Variants in LATS2 observed in about 807,000 individuals in gnomAD.
The protein encoded by LATS2 is serine/threonine-protein kinase LATS2.
A neutral mutation model predicts 76.0 loss-of-function variants in LATS2; 24 were observed. The ratio of observed to expected loss-of-function variants is 0.32; its 90% CI spans 0.23 to 0.44. The LOEUF is 0.44. LATS2 is among the 20% of genes least tolerant of loss of function. The probability of loss-of-function intolerance (pLI) is 1.00; values close to 1 mark genes in which losing one functional copy is unlikely to be tolerated. For synonymous variants in LATS2, 692 were observed against 635.4 expected (o/e 1.09, Z -1.34); for missense variants, 1,286 against 1,481.2 (o/e 0.87, Z 2.16).
At chr13:21,014,730 G>C (rs1251735464) in intron 2 of LATS2, among the ~76,000 whole-genome samples, 1 of 152,198 alleles carries the variant, frequency 6.6e-6, no homozygotes, top group Admixed American at 6.5e-5. Context: ...AAACATCACA[G>C]GGTCAAGGAA....
chr13:21,034,448 A>AAGAGCC (rs1241599686), intron 2 of LATS2, among the ~76,000 whole-genome samples: 8 of 152,098 alleles, frequency 5.3e-5, no homozygotes, highest in East Asian at 1.9e-4. Context: ...TCCTTGACAA[A>AAGAGCC]AGAGCCAGAG....
intron 1 of LATS2, among the ~76,000 whole-genome samples, chr13:21,052,695 A>T (rs1415362745): frequency 6.6e-6 from 1 of 152,192 alleles, no homozygotes; most frequent in African/African-American, 2.4e-5. Flanking sequence ...GATGCTTAGA[A>T]AGTTAAAGTA....
chr13:21,056,046 T>G (rs765937065), intron 1 of LATS2, among the ~76,000 whole-genome samples: 1 of 152,214 alleles, frequency 6.6e-6, no homozygotes, highest in African/African-American at 2.4e-5. Context: ...AATAGCAGCA[T>G]CATCACAAGG....
chr13:20,998,218 G>T (rs1357837154), intron 2 of LATS2, among the ~76,000 whole-genome samples: 1 of 152,138 alleles, frequency 6.6e-6, no homozygotes, highest in African/African-American at 2.4e-5. Flanking sequence ...GCTGGGCATG[G>T]TGGTGGGTGC....
At chr13:21,054,033 ATACTT>A (rs1218777640) in intron 1 of LATS2, among the ~76,000 whole-genome samples, 3 of 152,220 alleles carry the variant, frequency 2.0e-5, no homozygotes, top group African/African-American at 7.2e-5. Flanking sequence ...ACTGAACTGT[ATACTT>A]AAGAATGGTT....
In LATS2 at chr13:20,989,191, C is replaced by T. The variant is rs941626381; in HGVS notation, c.589G>A (p.Gly197Ser). 6 of 1,613,478 alleles carry T rather than the reference C, an allele frequency of 3.7e-6. No homozygotes were observed. Among genetic ancestry groups the T allele is most frequent in the East Asian group, 2.2e-5 (1 of 44,892 alleles). Residue 197 changes from glycine (G) to serine (S), a missense_variant, in exon 4 of 8, where the codon GGC becomes AGC. By Grantham distance (56) the Gly-to-Ser change is moderately conservative (BLOSUM62 0). This residue lies in a region of LATS2 where 710 missense variants were observed against 660.9 expected (regional missense o/e 1.07). Coordinates refer to ENST00000382592, the MANE Select transcript of LATS2 (RefSeq NM_014572.3). ...TCCAGCGCCGTGGGGCCGTCAGCGCCGAAGCTTGGGCCCTCGTAGGGGGTA... is the reference window on the plus strand; with the variant it reads ...TCCAGCGCCGTGGGGCCGTCAGCGCTGAAGCTTGGGCCCTCGTAGGGGGTA... ...SGTPYEGPSF[G>S]ADGPTALEEM...
At chr13:21,030,817 C>G (rs1595246643) in intron 2 of LATS2, among the ~76,000 whole-genome samples, 1 of 152,078 alleles carries the variant, frequency 6.6e-6, no homozygotes, top group East Asian at 1.9e-4. Context: ...TCTACTGTTT[C>G]TAGTGCTCTT....
At chr13:20,987,754 T>A (rs1047543724) in intron 4 of LATS2, 127 bp downstream of exon 4, 16 of 1,081,580 alleles carry the variant, frequency 1.5e-5, no homozygotes, top group Middle Eastern at 2.9e-4. Context: ...AGAACCAGAC[T>A]GTCGCCCATT....
At chr13:21,056,984 G>A (rs140681263) in intron 1 of LATS2, among the ~76,000 whole-genome samples, 4 of 152,304 alleles carry the variant, frequency 2.6e-5, no homozygotes, top group South Asian at 2.1e-4. Context: ...TGCAGGTGTC[G>A]TCCGGGTACA....
In LATS2 at chr13:20,973,867, T is replaced by C. The variant is rs1869452954; in HGVS notation, c.*1003A>G. 4.4e-6 allele frequency: 1 copy of C among 228,770 alleles called. No individual in the cohort carries two copies. Among genetic ancestry groups the C allele is most frequent in the Non-Finnish European group, 8.7e-6 (1 of 115,602 alleles). The allele number at this position is 228,770 out of a possible 1,614,324, so 14.2% of individuals were successfully genotyped here. On this transcript the variant is annotated 3_prime_UTR_variant, in exon 8 of 8. Transcript: ENST00000382592. ...CAGCTCTACCAAGAATGAAAGAGCA[T>C]ACGGACTACAGAAACGGACATGTGT...
chr13:20,976,320 T>A (rs2138260322), intron 7 of LATS2, among the ~76,000 whole-genome samples: 1 of 152,288 alleles, frequency 6.6e-6, no homozygotes, highest in Non-Finnish European at 1.5e-5. Context: ...AAGTAGTTGT[T>A]TTCATAGAGC....
At chr13:21,056,084 T>TGTAC (rs2138419156) in intron 1 of LATS2, among the ~76,000 whole-genome samples, 1 of 152,330 alleles carries the variant, frequency 6.6e-6, no homozygotes, top group East Asian at 1.9e-4. Flanking sequence ...TTGCCATATG[T>TGTAC]GTACTGAGCA....
chr13:21,045,976 C>A lies in LATS2; in HGVS notation c.51G>T (p.Gln17His). ...ACCCCTCACGAATCTCTTGCAGTCGCTGCCGGCTATTTCCAGAATAAGTCG... is the reference window on the plus strand; with the variant it reads ...ACCCCTCACGAATCTCTTGCAGTCGATGCCGGCTATTTCCAGAATAAGTCG... ...PATTYSGNSRQRLQEIREGLK... is the reference protein window; with the variant it reads ...PATTYSGNSRHRLQEIREGLK... Residue 17 changes from glutamine (Q) to histidine (H), a missense_variant, in exon 2 of 8, where the codon CAG (glutamine) becomes CAT (histidine). Physicochemically the swap from Gln to His is conservative, Grantham distance 24. This residue lies in a region of LATS2 where 101 missense variants were observed against 141.4 expected (regional missense o/e 0.71). Transcript: ENST00000382592. 6.2e-7 allele frequency: 1 copy of A among 1,614,136 alleles called. No individual in the cohort carries two copies. The highest frequency in any genetic ancestry group is 1.3e-5 in the African/African-American group (1 of 75,046).
intron 2 of LATS2, among the ~76,000 whole-genome samples, chr13:21,023,764 G>T (rs575699404): frequency 1.3e-5 from 2 of 149,258 alleles, no homozygotes; most frequent in Admixed American, 1.3e-4. Flanking sequence ...ACCTGAGGTC[G>T]GGAATTCAAG....
chr13:21,033,800 G>A (rs1872607789), intron 2 of LATS2, among the ~76,000 whole-genome samples: 1 of 151,520 alleles, frequency 6.6e-6, no homozygotes, highest in African/African-American at 2.4e-5. Flanking sequence ...CTTGGCTGGA[G>A]AAATTTGTCA....
At chr13:21,004,959 G>A (rs1045504702) in intron 2 of LATS2, among the ~76,000 whole-genome samples, 2 of 152,162 alleles carry the variant, frequency 1.3e-5, no homozygotes, top group Admixed American at 1.3e-4. Context: ...GACCAGCCCC[G>A]GCGTTCTAAA....
chr13:21,026,319 T>C (rs1283108697), intron 2 of LATS2, among the ~76,000 whole-genome samples: 2 of 64,946 alleles, frequency 3.1e-5, no homozygotes, highest in Non-Finnish European at 6.9e-5. Flanking sequence ...TTTTTGTCAC[T>C]ATGAGTTAAC....
At chr13:21,059,040 A>G (rs1423957594) in intron 1 of LATS2, among the ~76,000 whole-genome samples, 1 of 152,182 alleles carries the variant, frequency 6.6e-6, no homozygotes, top group Non-Finnish European at 1.5e-5. Flanking sequence ...TCCATGATTA[A>G]GGGAAGGCCC....
At chr13:21,032,464 G>A (rs890120998) in intron 2 of LATS2, among the ~76,000 whole-genome samples, 2 of 151,986 alleles carry the variant, frequency 1.3e-5, no homozygotes, top group African/African-American at 2.4e-5. Context: ...ACGGGTTTTC[G>A]CCATGTTGGC....
Sources: gnomAD v4.1 joint callset for allele counts (sites outside exome capture counted in the v4.1 genomes callset) on GRCh38, gnomAD v4.1.1 for gene constraint, gnomAD v4.1.1 regional missense constraint, MANE v1.5 for transcripts, NCBI Gene and HGNC (gene_info 2026-07-23, HGNC 2026-07-21) for gene names.